ACOX2: variants seen among roughly 807,000 people sequenced by gnomAD.
ACOX2 encodes peroxisomal acyl-coenzyme A oxidase 2.
A neutral mutation model predicts 77.5 loss-of-function variants in ACOX2; 59 were observed. The ratio of observed to expected loss-of-function variants is 0.76; its 90% CI spans 0.62 to 0.95. The LOEUF (loss-of-function observed/expected upper bound fraction) is 0.95, where lower values mean the gene tolerates loss of function less well. Ranked by LOEUF, ACOX2 falls within the 40% of genes least tolerant of loss-of-function variation. The pLI is 0.00. For synonymous variants in ACOX2, 317 were observed against 340.1 expected (o/e 0.93, Z 0.75); for missense variants, 837 against 880.4 (o/e 0.95, Z 0.62).
intron 12 of ACOX2, among the ~76,000 whole-genome samples, chr3:58,517,815 C>T (rs981896962): frequency 9.9e-5 from 15 of 152,074 alleles, no homozygotes; most frequent in Admixed American, 5.2e-4. Context: ...TGGCTCACGC[C>T]TGTAATCCCA....
chr3:58,529,357 G>C (rs2063420090), intron 8 of ACOX2, among the ~76,000 whole-genome samples: 1 of 152,152 alleles, frequency 6.6e-6, no homozygotes, highest in African/African-American at 2.4e-5. Context: ...CGCGCGCTGA[G>C]GAATATGTCA....
At chr3:58,517,631 C>T (rs1263747684) in intron 12 of ACOX2, among the ~76,000 whole-genome samples, 2 of 97,180 alleles carry the variant, frequency 2.1e-5, no homozygotes, top group African/African-American at 8.2e-5. Context: ...GGAGCGGGGA[C>T]GGGGGGGACT....
intron 14 of ACOX2, among the ~76,000 whole-genome samples, chr3:58,508,442 A>G (rs185209706): frequency 3.9e-5 from 6 of 152,322 alleles, no homozygotes; most frequent in African/African-American, 1.4e-4. Context: ...AATCAGGTCT[A>G]AGAGAGACAT....
At chr3:58,513,125 C>T (rs947361658) in intron 13 of ACOX2, among the ~76,000 whole-genome samples, 1 of 152,138 alleles carries the variant, frequency 6.6e-6, no homozygotes. Context: ...TCCCCCTCCT[C>T]CCTACTGACC....
At chr3:58,529,027 TA>T (rs1463994185) in intron 8 of ACOX2, 71 bp from the exon 9 acceptor site, 2 of 1,425,624 alleles carry the variant, frequency 1.4e-6, no homozygotes, top group Non-Finnish European at 1.9e-6. Flanking sequence ...CCCGACACCA[TA>T]AAAACCTTAA....
Position 58,531,643 on chromosome 3 carries a change from C to A in ACOX2, c.703+50G>T. The stretch of plus-strand genomic sequence containing the variant: ...CTGGGGCCCCAGGTCAGGGAGGCCA[C>A]CTGGGCTCTCCTCCTGGCAGGGTTC... On this transcript the variant is annotated intron_variant, in intron 6 of 14. Coordinates refer to ENST00000302819, the MANE Select transcript of ACOX2 (RefSeq NM_003500.4). This position sits in a 1 kb window ranked among gnomAD's most constrained non-coding sequence, Gnocchi z 5.8. 1 of 1,598,770 alleles carries A rather than the reference C, an allele frequency of 6.3e-7. No homozygotes were observed. Among genetic ancestry groups the A allele is most frequent in the African/African-American group, 1.3e-5 (1 of 74,700 alleles).
At position 58,533,711 on chromosome 3, in the gene ACOX2, G is replaced by C. The variant is rs2063457382; in HGVS notation, c.476-159C>G. 1 of 703,154 alleles carries C rather than the reference G, an allele frequency of 1.4e-6. No homozygotes were observed. The highest frequency in any genetic ancestry group is 1.8e-5 in the South Asian group (1 of 54,700). The allele number at this position is 703,154 out of a possible 1,614,324, so 43.6% of individuals were successfully genotyped here. On this transcript the variant is annotated intron_variant, in intron 4 of 14. Transcript: ENST00000302819. This position sits in a 1 kb window ranked among gnomAD's most constrained non-coding sequence, Gnocchi z 5.6. The stretch of plus-strand genomic sequence containing the variant: ...GGCAGTTCTCCCCTTTCATCTGTGG[G>C]CTGTGTGTGGGACACACAGTCCCCT...
At chr3:58,530,842 G>A (rs900365017) in intron 7 of ACOX2, among the ~76,000 whole-genome samples, 2 of 152,226 alleles carry the variant, frequency 1.3e-5, no homozygotes, top group Middle Eastern at 6.8e-3. Flanking sequence ...ACCTCCCCAC[G>A]ACCCATAACT....
rs915434052 is a variant in ACOX2, at chr3:58,535,768, T to C, written c.-91-571A>G. Reference sequence around the variant, plus strand: ...CTGTGAAGTGTTCCCCTGGAGCCCCTGAGTGTCTTTCATACCCAGGTTGGA... The same window carrying C: ...CTGTGAAGTGTTCCCCTGGAGCCCCCGAGTGTCTTTCATACCCAGGTTGGA... On this transcript the variant is annotated intron_variant, in intron 1 of 14. Transcript: ENST00000302819. The surrounding 1 kb of genome is among the most constrained non-coding windows in gnomAD (Gnocchi z 4.8). Among the ~76,000 whole-genome samples the C allele has an allele frequency of 6.6e-5, 10 of 152,280 alleles. No individual in the cohort carries two copies. Among genetic ancestry groups the C allele is most frequent in the African/African-American group, 1.9e-4 (8 of 41,566 alleles).
rs1338960958 is a variant in ACOX2 at position 58,512,022 on chromosome 3, A to G, written c.1851-2997T>C. On this transcript the variant is annotated intron_variant, in intron 13 of 14. Coordinates refer to ENST00000302819, the MANE Select transcript of ACOX2 (RefSeq NM_003500.4). The surrounding 1 kb of genome is among the most constrained non-coding windows in gnomAD (Gnocchi z 4.8). ...GTTCTTCTCAAGGCTTTAAATATCA[A>G]CCATACGCCAATGACTTCCAAACTT... Among the ~76,000 whole-genome samples the G allele has an allele frequency of 2.0e-5, 3 of 152,134 alleles. No homozygotes were observed. Among genetic ancestry groups the G allele is most frequent in the Admixed American group, 2.0e-4 (3 of 15,278 alleles).
intron 9 of ACOX2, among the ~76,000 whole-genome samples, chr3:58,527,536 G>GGAAAAAAAAAAAAA (rs2063404986): frequency 9.3e-6 from 1 of 107,710 alleles, no homozygotes; most frequent in African/African-American, 4.6e-5. Flanking sequence ...ACTGTCTCAG[G>GGAAAAAAAAAAAAA]AAAAAAAAAA....
chr3:58,507,828 A>T (rs770437375), intron 14 of ACOX2, among the ~76,000 whole-genome samples: 5 of 152,228 alleles, frequency 3.3e-5, no homozygotes, highest in African/African-American at 1.2e-4. Context: ...GTAACTTTAG[A>T]TAATCATGTT....
At chr3:58,529,082 A>T in intron 8 of ACOX2, 126 bp from the exon 9 acceptor site, 4 of 941,522 alleles carry the variant, frequency 4.2e-6, no homozygotes, top group Admixed American at 3.0e-5. Flanking sequence ...TTGAACTGAC[A>T]TGAGGCCATT....
chr3:58,524,424 A>G lies in ACOX2; in HGVS notation c.1526+2T>C. 6.2e-7 allele frequency: 1 copy of G among 1,612,048 alleles called. No individual in the cohort carries two copies. On this transcript the variant is annotated splice_donor_variant, in intron 11 of 14. Coordinates refer to ENST00000302819, the MANE Select transcript of ACOX2 (RefSeq NM_003500.4). LOFTEE classifies it high-confidence loss of function. This position sits in a 1 kb window ranked among gnomAD's most constrained non-coding sequence, Gnocchi z 5.5. Reference sequence around the variant, plus strand: ...ATGGCTGATTTCTCAGCACTGGCTTACCTTACTGCCACATGTGCCCAGGCC... The same window carrying G: ...ATGGCTGATTTCTCAGCACTGGCTTGCCTTACTGCCACATGTGCCCAGGCC...
At chr3:58,511,048 T>A in intron 13 of ACOX2, 1 of 456,710 alleles carries the variant, frequency 2.2e-6, no homozygotes, top group Non-Finnish European at 4.4e-6. Context: ...CTTTACATCG[T>A]ATTTCACTAA....
chr3:58,505,172 G>A lies in ACOX2; in HGVS notation c.*52C>T, dbSNP rs2063225062. On this transcript the variant is annotated 3_prime_UTR_variant, in exon 15 of 15. Coordinates refer to ENST00000302819, the MANE Select transcript of ACOX2 (RefSeq NM_003500.4). The surrounding 1 kb of genome is among the most constrained non-coding windows in gnomAD (Gnocchi z 4.4). ...ATTTTAATGTTGCATATATGCCATAGTACCATTATCACATGATGGTGCTGG... is the reference window on the plus strand; with the variant it reads ...ATTTTAATGTTGCATATATGCCATAATACCATTATCACATGATGGTGCTGG... The A allele has an allele frequency of 2.1e-6, 3 of 1,456,838 alleles. No individual in the cohort carries two copies. Among genetic ancestry groups the A allele is most frequent in the Admixed American group, 3.6e-5 (2 of 55,128 alleles). 90.2% of individuals were successfully genotyped at this position (1,456,838 alleles called of 1,614,324 possible).
intron 13 of ACOX2, chr3:58,511,042 A>C (rs1358512384): frequency 2.2e-6 from 1 of 456,524 alleles, no homozygotes; most frequent in Admixed American, 2.3e-5. Flanking sequence ...GGATGGCTTT[A>C]CATCGTATTT....
Position 58,521,422 on chromosome 3 carries a change from G to C in ACOX2, c.1632+1074C>G, listed in dbSNP as rs935727185. 6.6e-6 allele frequency among the ~76,000 whole-genome samples: 1 copy of C among 152,188 alleles called. No individual in the cohort carries two copies. Among genetic ancestry groups the C allele is most frequent in the Non-Finnish European group, 1.5e-5 (1 of 68,034 alleles). ...GCCAGAGTCCCAGCTGCCTAAGCTA[G>C]AACTCAGGAGTTGTTCTTACCTCTT... On this transcript the variant is annotated intron_variant, in intron 12 of 14. Transcript: ENST00000302819. The surrounding 1 kb of genome is among the most constrained non-coding windows in gnomAD (Gnocchi z 4.8).
chr3:58,529,397 C>T (rs894071449), intron 8 of ACOX2, among the ~76,000 whole-genome samples: 1 of 152,170 alleles, frequency 6.6e-6, no homozygotes, highest in Admixed American at 6.5e-5. Flanking sequence ...AGGATGTAAA[C>T]TCAGGTCTGA....
Sources: gnomAD v4.1 joint callset for allele counts (sites outside exome capture counted in the v4.1 genomes callset) on GRCh38, gnomAD v4.1.1 for gene constraint, Gnocchi (gnomAD v3.1) non-coding constraint, MANE v1.5 for transcripts, NCBI Gene and HGNC (gene_info 2026-07-23, HGNC 2026-07-21) for gene names.